Variants in CACNA2D1 observed in about 807,000 individuals in gnomAD.
The protein encoded by CACNA2D1 is voltage-dependent calcium channel subunit alpha-2/delta-1.
CACNA2D1 carries 53 observed loss-of-function variants against 171.5 expected under a neutral mutation model. The observed-to-expected ratio is 0.31, with a 90% confidence interval of 0.25 to 0.39. The LOEUF is 0.39. CACNA2D1 is among the 10% of genes least tolerant of loss of function. The pLI, the probability that CACNA2D1 is intolerant of heterozygous loss-of-function variation, is 1.00. For synonymous variants in CACNA2D1, 442 were observed against 443.1 expected, an observed-to-expected ratio of 1.00 and a Z score of 0.03; for missense variants, 903 against 1,299.8, an observed-to-expected ratio of 0.69 and a Z score of 4.69.
chr7:81,973,001 A>G (rs894351330), intron 25 of CACNA2D1, among the ~76,000 whole-genome samples: 1 of 152,046 alleles, frequency 6.6e-6, no homozygotes, highest in African/African-American at 2.4e-5. Context: ...TTTGGAAAGT[A>G]AATGTTCTAA....
intron 3 of CACNA2D1, among the ~76,000 whole-genome samples, chr7:82,203,218 G>GC (rs1799650853): frequency 6.6e-6 from 1 of 152,118 alleles, no homozygotes; most frequent in African/African-American, 2.4e-5. Flanking sequence ...TACAGAGAGT[G>GC]CTGGTGCTGG....
At chr7:82,111,444 A>ATATTTT (rs1207440298) in intron 6 of CACNA2D1, among the ~76,000 whole-genome samples, 10 of 69,962 alleles carry the variant, frequency 1.4e-4, no homozygotes, top group African/African-American at 6.8e-4. Flanking sequence ...ATATATATAT[A>ATATTTT]TTTTTTTTTT....
intron 1 of CACNA2D1, among the ~76,000 whole-genome samples, chr7:82,441,896 A>G (rs1173714229): frequency 6.6e-6 from 1 of 152,240 alleles, no homozygotes; most frequent in East Asian, 1.9e-4. Context: ...TGATGCCTTA[A>G]TAAGAGTAAA....
intron 3 of CACNA2D1, among the ~76,000 whole-genome samples, chr7:82,287,432 T>C (rs1229548141): frequency 6.6e-6 from 1 of 152,214 alleles, no homozygotes; most frequent in African/African-American, 2.4e-5. Flanking sequence ...AATTCTATTA[T>C]ATCTCCTCCC....
chr7:82,216,365 A>G (rs1801098532), intron 3 of CACNA2D1, among the ~76,000 whole-genome samples: 3 of 152,166 alleles, frequency 2.0e-5, no homozygotes, highest in Non-Finnish European at 4.4e-5. Flanking sequence ...CTGTTGCATT[A>G]AAATTCTGTT....
At chr7:82,034,048 C>T (rs1803020761) in intron 11 of CACNA2D1, among the ~76,000 whole-genome samples, 1 of 151,794 alleles carries the variant, frequency 6.6e-6, no homozygotes, top group Non-Finnish European at 1.5e-5. Flanking sequence ...TTTCTTTAAC[C>T]CAGTCATCCA....
intron 3 of CACNA2D1, among the ~76,000 whole-genome samples, chr7:82,213,170 G>A (rs1435680884): frequency 1.3e-5 from 2 of 152,028 alleles, no homozygotes; most frequent in Non-Finnish European, 2.9e-5. Context: ...CAAAATGCTG[G>A]GATTACAGGC....
At chr7:82,257,010 G>A (rs564687138) in intron 3 of CACNA2D1, among the ~76,000 whole-genome samples, 21 of 152,262 alleles carry the variant, frequency 1.4e-4, no homozygotes, top group African/African-American at 3.9e-4. Context: ...GGTGAGGATG[G>A]CAGGAACAAA....
intron 3 of CACNA2D1, among the ~76,000 whole-genome samples, chr7:82,286,502 TCTTATAG>T (rs1810789562): frequency 6.6e-6 from 1 of 152,164 alleles, no homozygotes; most frequent in South Asian, 2.1e-4. Flanking sequence ...TATACAAGTA[TCTTATAG>T]CTTTTTATAA....
chr7:82,326,172 T>G (rs1816623931), intron 3 of CACNA2D1, among the ~76,000 whole-genome samples: 1 of 152,212 alleles, frequency 6.6e-6, no homozygotes, highest in African/African-American at 2.4e-5. Context: ...TTCTTAAATG[T>G]ACGTATAGCT....
At chr7:82,391,748 C>T (rs1419036745) in intron 1 of CACNA2D1, among the ~76,000 whole-genome samples, 6 of 152,156 alleles carry the variant, frequency 3.9e-5, no homozygotes, top group Non-Finnish European at 8.8e-5. Context: ...AGAACTAAAA[C>T]ATCAACCAGA....
At chr7:82,129,125 A>T (rs771681784) in intron 5 of CACNA2D1, among the ~76,000 whole-genome samples, 2 of 152,164 alleles carry the variant, frequency 1.3e-5, no homozygotes, top group Non-Finnish European at 2.9e-5. Context: ...CATAAGCTAA[A>T]CATAAAACTC....
intron 1 of CACNA2D1, among the ~76,000 whole-genome samples, chr7:82,436,869 C>A (rs1563551213): frequency 6.6e-6 from 1 of 152,188 alleles, no homozygotes; most frequent in Non-Finnish European, 1.5e-5. Flanking sequence ...CATCCCTTCA[C>A]ATAGTTTGAC....
chr7:82,189,486 G>A (rs1798086053), intron 3 of CACNA2D1, among the ~76,000 whole-genome samples: 1 of 151,794 alleles, frequency 6.6e-6, no homozygotes, highest in African/African-American at 2.4e-5. Context: ...AAATAATCAC[G>A]ATGAGAAATT....
At chr7:82,267,001 T>C (rs1453286414) in intron 3 of CACNA2D1, among the ~76,000 whole-genome samples, 1 of 152,236 alleles carries the variant, frequency 6.6e-6, no homozygotes, top group Non-Finnish European at 1.5e-5. Flanking sequence ...TATTGGACTC[T>C]ATGCAAAAGT....
intron 1 of CACNA2D1, among the ~76,000 whole-genome samples, chr7:82,352,925 GA>G (rs1230907112): frequency 6.6e-6 from 1 of 152,194 alleles, no homozygotes; most frequent in Non-Finnish European, 1.5e-5. Flanking sequence ...AGGGAAGAGT[GA>G]TAGGCCAGGC....
chr7:82,064,468 C>T, intron 8 of CACNA2D1, 114 bp from the exon 9 acceptor site: 1 of 688,110 alleles, frequency 1.5e-6, no homozygotes, highest in Admixed American at 2.1e-5. Flanking sequence ...AGCAAAGACC[C>T]ACTTCTATCT....
intron 3 of CACNA2D1, among the ~76,000 whole-genome samples, chr7:82,281,751 A>G (rs1585323472): frequency 6.6e-6 from 1 of 152,160 alleles, no homozygotes; most frequent in South Asian, 2.1e-4. Context: ...TATCAAATGT[A>G]CGTGTCATTA....
At chr7:82,315,684 T>A (rs2129435301) in intron 3 of CACNA2D1, among the ~76,000 whole-genome samples, 1 of 152,138 alleles carries the variant, frequency 6.6e-6, no homozygotes, top group Middle Eastern at 3.4e-3. Context: ...ACATGCAAAT[T>A]AAAAATGTCA....
Sources: gnomAD v4.1 joint callset for allele counts (sites outside exome capture counted in the v4.1 genomes callset) on GRCh38, gnomAD v4.1.1 for gene constraint, MANE v1.5 for transcripts, NCBI Gene and HGNC (gene_info 2026-07-23, HGNC 2026-07-21) for gene names.